The following RASSF3 variants were observed in gnomAD, a reference collection of about 807,000 sequenced individuals.
RASSF3 encodes the protein Ras association domain family member 3.
A neutral mutation model predicts 19.9 loss-of-function variants in RASSF3; 19 were observed. That is an observed-to-expected ratio of 0.96 (90% CI 0.67 to 1.40). RASSF3 has a LOEUF of 1.40. RASSF3 is among the 40% of genes most tolerant of loss of function. RASSF3 has a pLI of 0.00. For missense variants in RASSF3, 306 were observed against 289.8 expected, an observed-to-expected ratio of 1.06 and a Z score of -0.41; for synonymous variants, 110 against 104.2, an observed-to-expected ratio of 1.06 and a Z score of -0.34.
At chr12:64,511,215 A>G (rs1409622980) in intron 1 of RASSF3, among the ~76,000 whole-genome samples, 1 of 152,240 alleles carries the variant, frequency 6.6e-6, no homozygotes, top group Non-Finnish European at 1.5e-5. Flanking sequence ...TTGTCATAAT[A>G]TCTGAGACCT....
At position 64,553,481 on chromosome 12, in the gene RASSF3, C is replaced by T. The variant is rs75830139; in HGVS notation, c.294+11776C>T. On this transcript the variant is annotated intron_variant, in intron 2 of 5. Transcript: ENST00000637125. ...AGATAGATGCTTCAGGATAATATGT[C>T]ATTTGCAAAGAGAAGTATGCCATTT... is the stretch of plus-strand genomic sequence containing the variant. Among the ~76,000 whole-genome samples, 111 of 152,246 alleles carry T rather than the reference C, an allele frequency of 7.3e-4. No homozygotes were observed. In the East Asian group the frequency reaches 0.02, roughly 27 times the overall value.
chr12:64,586,468 C>T (rs1434142704), intron 2 of RASSF3, among the ~76,000 whole-genome samples: 1 of 109,424 alleles, frequency 9.1e-6, no homozygotes, highest in Non-Finnish European at 1.7e-5. Context: ...CCAGCCCAAG[C>T]AACAGAGCAA....
At chr12:64,691,408 TG>T in intron 3 of RASSF3, 61 bp from the exon 4 acceptor site, 1 of 1,104,514 alleles carries the variant, frequency 9.1e-7, no homozygotes, top group Non-Finnish European at 1.4e-6. Flanking sequence ...GGGATCACAA[TG>T]GGGAAGTGGT....
chr12:64,569,882 T>C (rs1419174035), intron 2 of RASSF3, among the ~76,000 whole-genome samples: 1 of 152,166 alleles, frequency 6.6e-6, no homozygotes, highest in Non-Finnish European at 1.5e-5. Flanking sequence ...GGAGAACTGC[T>C]TGAACCGGGG....
At chr12:64,544,088 C>T (rs759725574), downstream of RASSF3, among the ~76,000 whole-genome samples, 8 of 152,172 alleles carry the variant, frequency 5.3e-5, no homozygotes, top group Middle Eastern at 6.8e-3. Flanking sequence ...GTGGGGGTCC[C>T]GTTCCGCACA....
At chr12:64,510,077 T>C (rs1868319659) in intron 1 of RASSF3, among the ~76,000 whole-genome samples, 1 of 141,584 alleles carries the variant, frequency 7.1e-6, no homozygotes, top group African/African-American at 2.8e-5. Context: ...GGCGACAGAG[T>C]GAAACTCCAT....
chr12:64,512,793 A>C (rs1308149367), intron 1 of RASSF3, among the ~76,000 whole-genome samples: 1 of 152,256 alleles, frequency 6.6e-6, no homozygotes, highest in Non-Finnish European at 1.5e-5. Context: ...TCTAATGAGC[A>C]ATCTTACTCA....
Position 64,688,358 on chromosome 12 carries a change from T to C in RASSF3, c.362T>C (p.Val121Ala), listed in dbSNP as rs1428531605. 1 of 1,614,158 alleles carries C rather than the reference T, an allele frequency of 6.2e-7. No homozygotes were observed. Among genetic ancestry groups the C allele is most frequent in the Non-Finnish European group, 8.5e-7 (1 of 1,180,022 alleles). The part of the protein sequence containing the change: ...NTLHISSTNT[V>A]GEVIEALLKK... Reference sequence around the variant, plus strand: ...CTTCATATCAGCAGCACAAACACTGTCGGGGAAGTGATCGAGGCCCTGCTC... The same window carrying C: ...CTTCATATCAGCAGCACAAACACTGCCGGGGAAGTGATCGAGGCCCTGCTC... Residue 121 changes from valine (V) to alanine (A), a missense_variant, in exon 3 of 5, where the codon GTC (valine) becomes GCC (alanine). By Grantham distance (64) the Val-to-Ala change is moderately conservative (BLOSUM62 0). Coordinates refer to ENST00000542104, the MANE Select transcript of RASSF3 (RefSeq NM_178169.4).
intron 4 of RASSF3, among the ~76,000 whole-genome samples, chr12:64,694,130 C>A (rs1424447688): frequency 1.3e-5 from 2 of 152,136 alleles, no homozygotes. Flanking sequence ...TAGAGTCTTT[C>A]AGACAGCATC....
chr12:64,553,102 T>C (rs1869193581), intron 2 of RASSF3, among the ~76,000 whole-genome samples: 2 of 152,314 alleles, frequency 1.3e-5, no homozygotes, highest in Admixed American at 6.5e-5. Flanking sequence ...TGTGAGTCTA[T>C]AAACGTTTTC....
At chr12:64,611,344 T>A (rs968912920) in intron 1 of RASSF3, 1 of 152,310 alleles carries the variant, frequency 6.6e-6, no homozygotes, top group Non-Finnish European at 1.5e-5. Flanking sequence ...GCTAGGTTTT[T>A]TGGTGCCCAG....
chr12:64,537,470 T>C (rs1325642412), intron 1 of RASSF3, among the ~76,000 whole-genome samples: 1 of 152,174 alleles, frequency 6.6e-6, no homozygotes, highest in Non-Finnish European at 1.5e-5. Flanking sequence ...TTTCCAAAAA[T>C]AGGTCACCCT....
chr12:64,694,397 G>A (rs538276376), intron 4 of RASSF3, among the ~76,000 whole-genome samples: 1 of 152,310 alleles, frequency 6.6e-6, no homozygotes, highest in Admixed American at 6.5e-5. Context: ...AAGAAAGTCA[G>A]TTACAATGAG....
intron 1 of RASSF3, among the ~76,000 whole-genome samples, chr12:64,668,920 C>T (rs757614881): frequency 1.1e-4 from 17 of 151,522 alleles, no homozygotes; most frequent in Non-Finnish European, 2.4e-4. Flanking sequence ...CTGCCCGCCT[C>T]GGCCTCCCAA....
In RASSF3 at chr12:64,586,660, C is replaced by T. The variant is rs142057316; in HGVS notation, c.294+44955C>T. The stretch of plus-strand genomic sequence containing the variant: ...AAAATAGGCCAGGCATTATGGCTCA[C>T]GCCTGTAATCCCAGCACTTTGGGAG... On this transcript the variant is annotated intron_variant, in intron 2 of 5. Transcript: ENST00000637125. Among the ~76,000 whole-genome samples, 1,045 of 152,080 alleles carry T rather than the reference C, an allele frequency of 6.9e-3. 10 individuals are homozygous for T. The highest frequency in any genetic ancestry group is 0.025 in the African/African-American group (1,019 of 41,462).
intron 2 of RASSF3, among the ~76,000 whole-genome samples, chr12:64,563,327 C>T (rs1346123501): frequency 2.6e-5 from 4 of 151,876 alleles, no homozygotes; most frequent in South Asian, 4.2e-4. Flanking sequence ...CCACCAGGCC[C>T]GGCTAAATTT....
chr12:64,655,064 G>C (rs1872107981), intron 1 of RASSF3: 1 of 152,220 alleles, frequency 6.6e-6, no homozygotes, highest in Non-Finnish European at 1.5e-5. Context: ...AAAGTGGAGT[G>C]AGTGCAAGGG....
intron 1 of RASSF3, among the ~76,000 whole-genome samples, chr12:64,527,237 C>CT (rs1365786102): frequency 6.6e-6 from 1 of 152,184 alleles, no homozygotes; most frequent in Non-Finnish European, 1.5e-5. Flanking sequence ...GAGAACCGGA[C>CT]TAAGAACAGG....
chr12:64,549,052 G>A (rs1869114441), intron 2 of RASSF3, among the ~76,000 whole-genome samples: 1 of 152,200 alleles, frequency 6.6e-6, no homozygotes, highest in Non-Finnish European at 1.5e-5. Context: ...GAAAAGTGGG[G>A]TACGATAGCC....
Sources: allele counts gnomAD v4.1 joint callset (sites outside exome capture counted in the v4.1 genomes callset), GRCh38; gene constraint gnomAD v4.1.1; transcripts MANE v1.5; gene names NCBI Gene and HGNC (gene_info 2026-07-23, HGNC 2026-07-21).